The following BACH2 variants were observed in gnomAD, a reference collection of about 807,000 sequenced individuals.
BACH2 encodes transcription regulator protein BACH2.
BACH2 carries 5 observed loss-of-function variants against 61.8 expected under a neutral mutation model. The ratio of observed to expected loss-of-function variants is 0.08; its 90% confidence interval spans 0.04 to 0.17. BACH2 has a LOEUF of 0.17. Ranked by LOEUF, BACH2 falls within the 10% of genes least tolerant of loss-of-function variation. The probability of loss-of-function intolerance (pLI) is 1.00; values close to 1 mark genes in which losing one functional copy is unlikely to be tolerated. For missense variants in BACH2, 824 were observed against 1,091.1 expected, an observed-to-expected ratio of 0.76 and a Z score of 3.45; for synonymous variants, 446 against 440.1, an observed-to-expected ratio of 1.01 and a Z score of -0.17.
At chr6:90,178,792 T>C (rs913525376) in intron 4 of BACH2, among the ~76,000 whole-genome samples, 3 of 152,198 alleles carry the variant, frequency 2.0e-5, no homozygotes, top group Non-Finnish European at 4.4e-5. Flanking sequence ...AGGAGCTTGA[T>C]GGCATTTTGA....
At position 89,926,810 on chromosome 6, in the gene BACH2, G is replaced by A. The variant is rs999835148; in HGVS notation, c.*5598C>T. Reference sequence around the variant, plus strand: ...ATCACTTAGAAAAAAATAAGGACAAGCCTAAGAACTAGTACAATAAAATGA... The same window carrying A: ...ATCACTTAGAAAAAAATAAGGACAAACCTAAGAACTAGTACAATAAAATGA... On this transcript the variant is annotated 3_prime_UTR_variant, in exon 9 of 9. Transcript: ENST00000257749. 1 of 152,644 alleles carries A rather than the reference G, an allele frequency of 6.6e-6. No individual in the cohort carries two copies. Among genetic ancestry groups the A allele is most frequent in the East Asian group, 1.9e-4 (1 of 5,336 alleles). The allele number at this position is 152,644 out of a possible 1,614,324, so 9.5% of individuals were successfully genotyped here. A position where few individuals can be genotyped will look rare whatever the true frequency, so the allele number is the denominator to read the frequency against.
chr6:90,231,446 T>C lies in BACH2; in HGVS notation c.-275+21067A>G, dbSNP rs184505089. On this transcript the variant is annotated intron_variant, in intron 3 of 8. Coordinates refer to ENST00000257749, the MANE Select transcript of BACH2 (RefSeq NM_021813.4). Reference sequence around the variant, plus strand: ...GACCAAACTGCAAATTCAAATGCCATTGAGTAAAGGTACAACATTCACATC... The same window carrying C: ...GACCAAACTGCAAATTCAAATGCCACTGAGTAAAGGTACAACATTCACATC... Among the ~76,000 whole-genome samples the C allele has an allele frequency of 1.9e-3, 292 of 152,282 alleles. 9 individuals carry two copies. In the South Asian group the frequency reaches 0.034, roughly 18 times the overall value.
intron 4 of BACH2, among the ~76,000 whole-genome samples, chr6:90,089,724 T>G (rs1236112266): frequency 6.6e-6 from 1 of 152,184 alleles, no homozygotes; most frequent in African/African-American, 2.4e-5. Flanking sequence ...TTTTGTTGTA[T>G]GGGTCTGAAA....
Position 90,092,315 on chromosome 6 carries a change from T to TATATATATATATATACAC in BACH2, c.-161-3207_-161-3206insGTGTATATATATATATAT, listed in dbSNP as rs142761642. ...AAATATATATATATATATATATATA[T>TATATATATATATATACAC]ACACACACACACATTGCATCACTTG... is the stretch of plus-strand genomic sequence containing the variant. On this transcript the variant is annotated intron_variant, in intron 4 of 8. Transcript: ENST00000257749. Among the ~76,000 whole-genome samples the TATATATATATATATACAC allele has an allele frequency of 4.4e-5, 5 of 112,470 alleles. No individual in the cohort carries two copies. The East Asian group carries it at 2.0e-3, about 46-fold the overall frequency. 73.8% of individuals were successfully genotyped at this position (112,470 alleles called of 152,430 possible).
At chr6:90,029,734 T>C (rs1439188913) in intron 5 of BACH2, among the ~76,000 whole-genome samples, 2 of 152,222 alleles carry the variant, frequency 1.3e-5, no homozygotes, top group African/African-American at 2.4e-5. Context: ...TGCTGAGGTC[T>C]CCTTCCAGCC....
At chr6:90,042,016 A>T (rs1191043059) in intron 5 of BACH2, among the ~76,000 whole-genome samples, 1 of 152,074 alleles carries the variant, frequency 6.6e-6, no homozygotes, top group Non-Finnish European at 1.5e-5. Context: ...TCTTCTGACC[A>T]CTGCTTTAAG....
chr6:90,061,160 A>G (rs1780667199), intron 5 of BACH2, among the ~76,000 whole-genome samples: 1 of 152,210 alleles, frequency 6.6e-6, no homozygotes, highest in African/African-American at 2.4e-5. Context: ...GGAGGCAGGA[A>G]TGAAAGCAGA....
chr6:90,188,977 G>A (rs552049641), intron 4 of BACH2, among the ~76,000 whole-genome samples: 50 of 152,144 alleles, frequency 3.3e-4, no homozygotes, highest in Admixed American at 7.2e-4. Context: ...CAGCCTACCC[G>A]TAATTACTCT....
intron 4 of BACH2, among the ~76,000 whole-genome samples, chr6:90,127,362 CTGTT>C (rs1783898054): frequency 6.6e-6 from 1 of 152,212 alleles, no homozygotes. Flanking sequence ...CCCCCGGCCT[CTGTT>C]ACAACTGGCC....
chr6:89,982,663 T>C (rs1033107167), intron 6 of BACH2, among the ~76,000 whole-genome samples: 1 of 152,186 alleles, frequency 6.6e-6, no homozygotes, highest in East Asian at 1.9e-4. Flanking sequence ...AACAATACTT[T>C]ATGGATTATA....
intron 5 of BACH2, among the ~76,000 whole-genome samples, chr6:90,057,776 A>C (rs1406160398): frequency 6.6e-6 from 1 of 152,232 alleles, no homozygotes; most frequent in Non-Finnish European, 1.5e-5. Context: ...CTTATCCACC[A>C]TGATCAAGTG....
At chr6:90,087,573 T>A (rs1031126843) in intron 5 of BACH2, among the ~76,000 whole-genome samples, 1 of 152,186 alleles carries the variant, frequency 6.6e-6, no homozygotes, top group African/African-American at 2.4e-5. Context: ...ATTGTTCTTG[T>A]CCTCAGCAGT....
chr6:90,201,349 T>C (rs1464722483), intron 4 of BACH2, among the ~76,000 whole-genome samples: 1 of 152,212 alleles, frequency 6.6e-6, no homozygotes, highest in Non-Finnish European at 1.5e-5. Context: ...CTTCACTGGG[T>C]AAATGTTACA....
chr6:90,136,889 A>G (rs553452135), intron 4 of BACH2, among the ~76,000 whole-genome samples: 1 of 151,804 alleles, frequency 6.6e-6, no homozygotes, highest in South Asian at 2.1e-4. Flanking sequence ...CAAGGAAATT[A>G]GCATGTGAGA....
intron 1 of BACH2, among the ~76,000 whole-genome samples, chr6:90,289,478 T>C (rs1251388472): frequency 6.6e-6 from 1 of 152,190 alleles, no homozygotes; most frequent in Non-Finnish European, 1.5e-5. Context: ...GTATAATCAA[T>C]TTATTTTAAA....
intron 1 of BACH2, among the ~76,000 whole-genome samples, chr6:90,284,796 CAT>C (rs1425033164): frequency 7.9e-5 from 12 of 152,028 alleles, no homozygotes; most frequent in South Asian, 2.1e-4. Flanking sequence ...GCTAAAACCA[CAT>C]GTTTTGAAGG....
intron 6 of BACH2, among the ~76,000 whole-genome samples, chr6:89,957,627 A>G (rs565920803): frequency 2.6e-4 from 40 of 152,166 alleles, no homozygotes; most frequent in Middle Eastern, 3.4e-3. Flanking sequence ...TGCAGCCTCA[A>G]CCTTTGGGGC....
At chr6:90,014,596 C>T (rs1004975533) in intron 5 of BACH2, among the ~76,000 whole-genome samples, 5 of 149,112 alleles carry the variant, frequency 3.4e-5, no homozygotes, top group African/African-American at 1.2e-4. Context: ...CTGCCTCAGC[C>T]TCCCGAGTAG....
At chr6:90,044,673 A>G (rs1779699193) in intron 5 of BACH2, among the ~76,000 whole-genome samples, 1 of 152,198 alleles carries the variant, frequency 6.6e-6, no homozygotes, top group Admixed American at 6.5e-5. Context: ...AAGGAGCAGA[A>G]AAGTGGTGAC....
Sources: gnomAD v4.1 joint callset for allele counts (sites outside exome capture counted in the v4.1 genomes callset) on GRCh38, gnomAD v4.1.1 for gene constraint, MANE v1.5 for transcripts, NCBI Gene and HGNC (gene_info 2026-07-23, HGNC 2026-07-21) for gene names.